The following TMEM132D variants were observed in gnomAD, a reference collection of about 807,000 sequenced individuals.
TMEM132D encodes transmembrane protein 132D, also known as mature OL transmembrane protein.
Under a neutral mutation model 62.3 loss-of-function variants are expected in TMEM132D, and 21 were observed. That is an observed-to-expected ratio of 0.34 (90% CI 0.24 to 0.49). The LOEUF (loss-of-function observed/expected upper bound fraction) is 0.49, where lower values mean the gene tolerates loss of function less well. TMEM132D is among the 20% of genes least tolerant of loss of function. TMEM132D has a pLI of 0.99. For missense variants in TMEM132D, 1,346 were observed against 1,402.8 expected (o/e 0.96, Z 0.65); for synonymous variants, 621 against 575.6 (o/e 1.08, Z -1.13).
intron 3 of TMEM132D, among the ~76,000 whole-genome samples, chr12:129,421,840 G>A (rs1201869819): frequency 6.6e-6 from 1 of 152,098 alleles, no homozygotes; most frequent in Admixed American, 6.5e-5. Context: ...TACAGGAATG[G>A]AAAATCTTTC....
At chr12:129,877,779 A>G (rs1874476273) in intron 1 of TMEM132D, among the ~76,000 whole-genome samples, 1 of 152,166 alleles carries the variant, frequency 6.6e-6, no homozygotes, top group Non-Finnish European at 1.5e-5. Flanking sequence ...TTTCTCTTCC[A>G]GTCATGCCAG....
chr12:129,764,890 G>A (rs937700239), intron 1 of TMEM132D, among the ~76,000 whole-genome samples: 20 of 152,086 alleles, frequency 1.3e-4, no homozygotes, highest in South Asian at 2.1e-4. Flanking sequence ...GCAGTGAGCT[G>A]TGATCACACC....
chr12:129,612,096 T>G (rs749158793), intron 2 of TMEM132D, among the ~76,000 whole-genome samples: 3 of 152,178 alleles, frequency 2.0e-5, no homozygotes, highest in Non-Finnish European at 4.4e-5. Flanking sequence ...AGAAGGAAGA[T>G]GCACTCATTT....
intron 1 of TMEM132D, among the ~76,000 whole-genome samples, chr12:129,797,999 A>G (rs933480316): frequency 2.0e-5 from 3 of 152,194 alleles, no homozygotes; most frequent in Non-Finnish European, 4.4e-5. Context: ...TCTTGGTGCC[A>G]TCCTCAAAAT....
chr12:129,730,222 C>A (rs1407696856), intron 1 of TMEM132D, among the ~76,000 whole-genome samples: 2 of 152,144 alleles, frequency 1.3e-5, no homozygotes, highest in East Asian at 3.9e-4. Context: ...AAAGTCTAAT[C>A]TGGACAAAGA....
At chr12:129,339,037 A>G (rs1869381932) in intron 3 of TMEM132D, among the ~76,000 whole-genome samples, 2 of 152,096 alleles carry the variant, frequency 1.3e-5, no homozygotes, top group African/African-American at 2.4e-5. Flanking sequence ...AAGAAAGGAA[A>G]GATAAAAGCG....
At chr12:129,083,366 G>T (rs545370715) in intron 6 of TMEM132D, among the ~76,000 whole-genome samples, 42 of 152,336 alleles carry the variant, frequency 2.8e-4, no homozygotes, top group Non-Finnish European at 5.9e-4. Context: ...CCACTGCCAT[G>T]TCTGAACCAG....
intron 2 of TMEM132D, among the ~76,000 whole-genome samples, chr12:129,633,554 C>A (rs2137168848): frequency 6.6e-6 from 1 of 152,286 alleles, no homozygotes; most frequent in East Asian, 1.9e-4. Flanking sequence ...CCCTTGAAGT[C>A]AAGGGGACCA....
chr12:129,291,401 G>T (rs1163415574), intron 4 of TMEM132D, among the ~76,000 whole-genome samples: 1 of 151,974 alleles, frequency 6.6e-6, no homozygotes, highest in Non-Finnish European at 1.5e-5. Flanking sequence ...CTTTCCATTT[G>T]GATCCTCTTT....
rs146602589 is a variant in TMEM132D at position 129,647,541 on chromosome 12, G to A, written c.968+52269C>T. On this transcript the variant is annotated intron_variant, in intron 2 of 8. Coordinates refer to ENST00000422113, the MANE Select transcript of TMEM132D (RefSeq NM_133448.3). ...TATTGCCAGATTGCTCTCCAAAGTGGTTGCACCAATTTACACTGCCACGTG... is the reference window on the plus strand; with the variant it reads ...TATTGCCAGATTGCTCTCCAAAGTGATTGCACCAATTTACACTGCCACGTG... Among the ~76,000 whole-genome samples the A allele has an allele frequency of 6.8e-4, 104 of 152,248 alleles. 1 individual carries two copies. Among genetic ancestry groups the A allele is most frequent in the African/African-American group, 2.4e-3 (101 of 41,538 alleles).
chr12:129,447,662 A>C (rs1389292082), intron 3 of TMEM132D, among the ~76,000 whole-genome samples: 1 of 152,188 alleles, frequency 6.6e-6, no homozygotes, highest in Non-Finnish European at 1.5e-5. Flanking sequence ...TATCTAAATG[A>C]TGTCTGTGCA....
intron 5 of TMEM132D, among the ~76,000 whole-genome samples, chr12:129,114,689 T>C (rs1025244555): frequency 1.2e-4 from 18 of 152,162 alleles, no homozygotes; most frequent in Admixed American, 1.2e-3. Context: ...CTCTGGCTCT[T>C]ATCCTCTAAG....
chr12:129,342,881 A>C (rs1185299535), intron 3 of TMEM132D, among the ~76,000 whole-genome samples: 2 of 152,218 alleles, frequency 1.3e-5, no homozygotes, highest in East Asian at 1.9e-4. Flanking sequence ...ATGAGATACC[A>C]TCTCACACCA....
intron 3 of TMEM132D, among the ~76,000 whole-genome samples, chr12:129,388,674 C>A (rs1407792020): frequency 7.9e-6 from 1 of 126,944 alleles, no homozygotes; most frequent in African/African-American, 2.9e-5. Context: ...ACACCGACAC[C>A]AATACTAACA....
chr12:129,574,725 C>A (rs1435108266), intron 2 of TMEM132D, among the ~76,000 whole-genome samples: 2 of 151,698 alleles, frequency 1.3e-5, no homozygotes, highest in African/African-American at 2.4e-5. Context: ...TAGCTCAGGG[C>A]TTTTTCACAA....
intron 5 of TMEM132D, among the ~76,000 whole-genome samples, chr12:129,117,058 T>C (rs923912133): frequency 5.3e-5 from 8 of 151,922 alleles, no homozygotes; most frequent in African/African-American, 1.9e-4. Context: ...TGCTATATAA[T>C]GGAACATTAT....
intron 3 of TMEM132D, among the ~76,000 whole-genome samples, chr12:129,438,533 T>C (rs1872852728): frequency 6.6e-6 from 1 of 152,230 alleles, no homozygotes; most frequent in African/African-American, 2.4e-5. Context: ...GTATGTACTA[T>C]ATGACTTCAT....
intron 3 of TMEM132D, among the ~76,000 whole-genome samples, chr12:129,447,642 G>A (rs1216617408): frequency 6.6e-6 from 1 of 152,242 alleles, no homozygotes; most frequent in African/African-American, 2.4e-5. Context: ...CTTGCCAAAA[G>A]GTTCATTGCT....
chr12:129,869,527 G>A (rs182561756), intron 1 of TMEM132D, among the ~76,000 whole-genome samples: 5 of 152,104 alleles, frequency 3.3e-5, no homozygotes, highest in African/African-American at 1.2e-4. Flanking sequence ...TTTCATATTT[G>A]CATTTTTATT....
Sources: allele counts gnomAD v4.1 joint callset (sites outside exome capture counted in the v4.1 genomes callset), GRCh38; gene constraint gnomAD v4.1.1; transcripts MANE v1.5; gene names NCBI Gene and HGNC (gene_info 2026-07-23, HGNC 2026-07-21).